The following LRP1B variants were observed in gnomAD, a reference collection of about 807,000 sequenced individuals.
The protein encoded by LRP1B is low-density lipoprotein receptor-related protein 1B.
In LRP1B, 217 loss-of-function variants were observed where a neutral mutation model predicts 556.6. That is an observed-to-expected ratio of 0.39 (90% CI 0.35 to 0.44). The LOEUF is 0.44. Ranked by LOEUF, LRP1B falls within the 20% of genes least tolerant of loss-of-function variation. The pLI is 1.00. For missense variants in LRP1B, 5,053 were observed against 5,620.8 expected, an observed-to-expected ratio of 0.90 and a Z score of 3.23; for synonymous variants, 2,047 against 1,865.8, an observed-to-expected ratio of 1.10 and a Z score of -2.50.
intron 3 of LRP1B, among the ~76,000 whole-genome samples, chr2:141,323,032 T>C (rs1490080417): frequency 6.6e-6 from 1 of 152,094 alleles, no homozygotes; most frequent in Non-Finnish European, 1.5e-5. Context: ...TTAAATAAGA[T>C]ATTACATATA....
At chr2:140,246,363 T>C (rs16843646) in intron 87 of LRP1B, among the ~76,000 whole-genome samples, 2,497 of 151,500 alleles carry the variant, frequency 0.016, 66 homozygotes, top group African/African-American at 0.058. Context: ...CATGGTCAAA[T>C]TAATGACAAC....
At chr2:140,959,980 T>C (rs1223377149) in intron 18 of LRP1B, among the ~76,000 whole-genome samples, 1 of 151,658 alleles carries the variant, frequency 6.6e-6, no homozygotes, top group Non-Finnish European at 1.5e-5. Flanking sequence ...GGGGTACTTT[T>C]CGTTCAGTTT....
At chr2:141,188,776 C>A (rs1261464559) in intron 6 of LRP1B, among the ~76,000 whole-genome samples, 193 bp from the exon 7 acceptor site, 4 of 151,864 alleles carry the variant, frequency 2.6e-5, no homozygotes, top group Non-Finnish European at 4.4e-5. Context: ...TATCTTGGTG[C>A]CTTTCTTCTT....
intron 1 of LRP1B, among the ~76,000 whole-genome samples, chr2:142,106,216 A>G (rs559024270): frequency 6.6e-6 from 1 of 152,352 alleles, no homozygotes; most frequent in South Asian, 2.1e-4. Flanking sequence ...TATAGAAGCA[A>G]GTTAAGGAAA....
At chr2:142,125,735 G>A (rs1707621389) in intron 1 of LRP1B, among the ~76,000 whole-genome samples, 1 of 151,790 alleles carries the variant, frequency 6.6e-6, no homozygotes, top group South Asian at 2.1e-4. Context: ...TTTGGGAATA[G>A]CTATCCATGT....
intron 35 of LRP1B, among the ~76,000 whole-genome samples, chr2:140,730,302 T>C (rs2105496176): frequency 6.6e-6 from 1 of 152,266 alleles, no homozygotes; most frequent in East Asian, 1.9e-4. Flanking sequence ...ATTCTTTATG[T>C]ACTTAGGTTC....
intron 1 of LRP1B, among the ~76,000 whole-genome samples, chr2:141,882,291 A>G (rs916424414): frequency 7.2e-5 from 11 of 152,142 alleles, no homozygotes; most frequent in African/African-American, 2.7e-4. Flanking sequence ...TACATATTCC[A>G]TTACCCCACT....
At chr2:142,084,666 T>G (rs935271679) in intron 1 of LRP1B, among the ~76,000 whole-genome samples, 2 of 152,118 alleles carry the variant, frequency 1.3e-5, no homozygotes, top group Non-Finnish European at 2.9e-5. Context: ...TCCAACTACT[T>G]TTACCAATAA....
intron 1 of LRP1B, among the ~76,000 whole-genome samples, chr2:142,028,816 C>A (rs1339088392): frequency 6.6e-6 from 1 of 151,900 alleles, no homozygotes. Flanking sequence ...CATGCTCTCA[C>A]AAACACTTGA....
chr2:140,719,591 C>G (rs1236865570), intron 35 of LRP1B, among the ~76,000 whole-genome samples: 2 of 151,886 alleles, frequency 1.3e-5, no homozygotes, highest in Non-Finnish European at 2.9e-5. Flanking sequence ...TAGAACTAGA[C>G]CATTAAATAT....
At chr2:140,871,984 G>A (rs563894582) in intron 25 of LRP1B, among the ~76,000 whole-genome samples, 2 of 149,436 alleles carry the variant, frequency 1.3e-5, no homozygotes, top group South Asian at 4.2e-4. Flanking sequence ...GTGTGTGTTT[G>A]TATGTGTATG....
Position 140,776,254 on chromosome 2 carries a change from A to T in LRP1B, c.5360-16T>A, listed in dbSNP as rs770699932. 14 of 1,547,864 alleles carry T rather than the reference A, an allele frequency of 9.0e-6. No homozygotes were observed. The highest frequency in any genetic ancestry group is 1.8e-4 in the Middle Eastern group (1 of 5,562). Reference sequence around the variant, plus strand: ...AGTTTCTTATCTAGAAAAAGGAAAGATATTTTTTAAAGGAAAGTATAATTA... The same window carrying T: ...AGTTTCTTATCTAGAAAAAGGAAAGTTATTTTTTAAAGGAAAGTATAATTA... On this transcript the variant is annotated splice_polypyrimidine_tract_variant and intron_variant, in intron 32 of 90. Coordinates refer to ENST00000389484, the MANE Select transcript of LRP1B (RefSeq NM_018557.3).
chr2:141,406,850 T>C (rs1285312750), intron 3 of LRP1B, among the ~76,000 whole-genome samples: 1 of 152,154 alleles, frequency 6.6e-6, no homozygotes, highest in Non-Finnish European at 1.5e-5. Context: ...GATATTTATA[T>C]GTGCTGTAAG....
At chr2:141,643,399 T>C (rs1689420266) in intron 2 of LRP1B, among the ~76,000 whole-genome samples, 1 of 152,184 alleles carries the variant, frequency 6.6e-6, no homozygotes, top group Non-Finnish European at 1.5e-5. Flanking sequence ...CCAGGGAATA[T>C]ACATATTTAA....
At position 141,254,515 on chromosome 2, in the gene LRP1B, T is replaced by C; in HGVS notation, c.463+7A>G. The C allele has an allele frequency of 6.2e-7, 1 of 1,611,244 alleles. No homozygotes were observed. Among genetic ancestry groups the C allele is most frequent in the Admixed American group, 1.7e-5 (1 of 59,858 alleles). On this transcript the variant is annotated splice_region_variant and intron_variant, in intron 4 of 90. Coordinates refer to ENST00000389484, the MANE Select transcript of LRP1B (RefSeq NM_018557.3). Reference sequence around the variant, plus strand: ...CAAAATTTGATGGCGTTATATGTTTTACTTACCTTTACAGCTTCTCCCATC... The same window carrying C: ...CAAAATTTGATGGCGTTATATGTTTCACTTACCTTTACAGCTTCTCCCATC...
intron 43 of LRP1B, among the ~76,000 whole-genome samples, chr2:140,595,105 TATATATATATATATATATA>T (rs1682384801): frequency 1.7e-5 from 1 of 57,252 alleles, no homozygotes; most frequent in Non-Finnish European, 3.6e-5. Context: ...TATATATATA[TATATATATATATATATATA>T]TATATATATA....
intron 27 of LRP1B, among the ~76,000 whole-genome samples, chr2:140,859,613 A>C (rs1478101260): frequency 1.3e-5 from 2 of 152,154 alleles, no homozygotes; most frequent in African/African-American, 4.8e-5. Context: ...GAAATAATTT[A>C]TTTTATTATA....
intron 35 of LRP1B, among the ~76,000 whole-genome samples, chr2:140,762,490 T>C (rs1218902345): frequency 2.6e-5 from 4 of 152,184 alleles, no homozygotes; most frequent in African/African-American, 9.6e-5. Context: ...TTATTTTAAT[T>C]TCTTCCTCTT....
Position 140,621,281 on chromosome 2 carries a change from G to C in LRP1B, c.6800-19642C>G, listed in dbSNP as rs1036829581. Reference sequence around the variant, plus strand: ...GGCGCCTGTAGTCCCAGGTACTCTGGAGGCTGAGGCAGGAGCATGGCATGA... The same window carrying C: ...GGCGCCTGTAGTCCCAGGTACTCTGCAGGCTGAGGCAGGAGCATGGCATGA... On this transcript the variant is annotated intron_variant, in intron 41 of 90. Transcript: ENST00000389484. Among the ~76,000 whole-genome samples, 13 of 150,670 alleles carry C rather than the reference G, an allele frequency of 8.6e-5. No individual in the cohort carries two copies. In the East Asian group the frequency reaches 1.2e-3, roughly 14 times the overall value.
Sources: allele counts gnomAD v4.1 joint callset (sites outside exome capture counted in the v4.1 genomes callset), GRCh38; gene constraint gnomAD v4.1.1; transcripts MANE v1.5; gene names NCBI Gene and HGNC (gene_info 2026-07-23, HGNC 2026-07-21).